Variants in ADARB1 observed in about 807,000 individuals in gnomAD.
ADARB1 encodes the protein double-stranded RNA-specific editase 1.
A neutral mutation model predicts 52.4 loss-of-function variants in ADARB1; 10 were observed. That is an observed-to-expected ratio of 0.19 (90% CI 0.12 to 0.32). The LOEUF (loss-of-function observed/expected upper bound fraction) is 0.32. ADARB1 is among the 10% of genes least tolerant of loss of function. The probability of loss-of-function intolerance (pLI) is 1.00; values close to 1 mark genes in which losing one functional copy is unlikely to be tolerated. For missense variants in ADARB1, 643 were observed against 922.3 expected, an observed-to-expected ratio of 0.70 and a Z score of 3.92; for synonymous variants, 349 against 371.1, an observed-to-expected ratio of 0.94 and a Z score of 0.68.
At chr21:45,210,686 A>G (rs1602006451) in intron 9 of ADARB1, among the ~76,000 whole-genome samples, 1 of 152,202 alleles carries the variant, frequency 6.6e-6, no homozygotes, top group Admixed American at 6.5e-5. Flanking sequence ...CTTGCAGCTC[A>G]CAGCCATATT....
Position 45,175,869 on chromosome 21 carries a change from G to C in ADARB1, c.168G>C (p.Glu56Asp), listed in dbSNP as rs201038678. 6.2e-7 allele frequency: 1 copy of C among 1,613,718 alleles called. No individual in the cohort carries two copies. The highest frequency in any genetic ancestry group is 8.5e-7 in the Non-Finnish European group (1 of 1,179,834). The change falls in exon 4 of 11, where the codon GAG becomes GAC. Residue 56 changes from glutamate (E) to aspartate (D), a missense_variant. By Grantham distance (45) the Glu-to-Asp change is conservative. This residue lies in a region of ADARB1 where 380 missense variants were observed against 446.5 expected (regional missense o/e 0.85). Coordinates refer to ENST00000348831, the MANE Select transcript of ADARB1 (RefSeq NM_001112.4). ...GGGPGRKRPL[E>D]EGSNGHSKYR... ...GCCCCGGCAGAAAGCGGCCCCTGGA[G>C]GAGGGCAGCAATGGCCACTCCAAGT...
At chr21:45,160,067 G>GA (rs2090884617) in intron 2 of ADARB1, among the ~76,000 whole-genome samples, 1 of 152,228 alleles carries the variant, frequency 6.6e-6, no homozygotes, top group South Asian at 2.1e-4. Flanking sequence ...TAGGCTGCTG[G>GA]AAGGTTGACC....
rs150801732 is a variant in ADARB1, at chr21:45,173,448, A to G, written c.28+1764A>G. 4.7e-3 allele frequency among the ~76,000 whole-genome samples: 713 copies of G among 152,280 alleles called. 4 individuals carry two copies. The highest frequency in any genetic ancestry group is 7.7e-3 in the Admixed American group (118 of 15,298). On this transcript the variant is annotated intron_variant, in intron 3 of 10. Coordinates refer to ENST00000348831, the MANE Select transcript of ADARB1 (RefSeq NM_001112.4). Reference sequence around the variant, plus strand: ...GTATTTCAGTGTGCCCCTGAGGTGAATAAGAATTTAGAATGTATGGAATCT... The same window carrying G: ...GTATTTCAGTGTGCCCCTGAGGTGAGTAAGAATTTAGAATGTATGGAATCT...
At chr21:45,163,351 A>G (rs761108767) in intron 2 of ADARB1, among the ~76,000 whole-genome samples, 6 of 152,216 alleles carry the variant, frequency 3.9e-5, no homozygotes, top group Admixed American at 6.5e-5. Context: ...GGACATCACA[A>G]TTGGAAGCAT....
intron 5 of ADARB1, among the ~76,000 whole-genome samples, chr21:45,180,912 T>A (rs1306527572): frequency 6.6e-6 from 1 of 152,090 alleles, no homozygotes; most frequent in Non-Finnish European, 1.5e-5. Context: ...AGAAACCCTA[T>A]TAAATTAGTC....
intron 1 of ADARB1, among the ~76,000 whole-genome samples, chr21:45,101,839 G>A (rs897696020): frequency 6.6e-6 from 1 of 152,208 alleles, no homozygotes; most frequent in African/African-American, 2.4e-5. Flanking sequence ...AGTTACAGTG[G>A]TGGACATACT....
At chr21:45,126,611 TC>T (rs2088601210) in intron 1 of ADARB1, among the ~76,000 whole-genome samples, 2 of 152,294 alleles carry the variant, frequency 1.3e-5, no homozygotes, top group South Asian at 4.1e-4. Context: ...GAGTCACTGT[TC>T]AAGTCACACG....
At chr21:45,191,276 T>G (rs180779235) in intron 8 of ADARB1, among the ~76,000 whole-genome samples, 15 of 152,356 alleles carry the variant, frequency 9.8e-5, no homozygotes, top group African/African-American at 3.1e-4. Flanking sequence ...ATATCTTCTT[T>G]TGTTATACCA....
Position 45,176,159 on chromosome 21 carries a change from T to G in ADARB1, c.458T>G (p.Leu153Arg). The G allele has an allele frequency of 6.2e-7, 1 of 1,614,226 alleles. No homozygotes were observed. The highest frequency in any genetic ancestry group is 2.2e-5 in the East Asian group (1 of 44,888). ...TTTCCTAATGCCTCTGAGGCCCACC[T>G]GGCCATGGGGAGGACCCTGTCTGTC... is the stretch of plus-strand genomic sequence containing the variant. ...VQFPNASEAH[L>R]AMGRTLSVNT... Residue 153 changes from leucine to arginine, a missense_variant, in exon 4 of 11, where the codon CTG becomes CGG. This residue lies in a region of ADARB1 where 380 missense variants were observed against 446.5 expected (regional missense o/e 0.85). Coordinates refer to ENST00000348831, the MANE Select transcript of ADARB1 (RefSeq NM_001112.4). This position sits in a 1 kb window ranked among gnomAD's most constrained non-coding sequence, Gnocchi z 5.8.
At chr21:45,156,053 A>ATCAC (rs1406155774) in intron 2 of ADARB1, among the ~76,000 whole-genome samples, 1 of 67,636 alleles carries the variant, frequency 1.5e-5, no homozygotes, top group African/African-American at 5.8e-5. Context: ...CCAACCACCC[A>ATCAC]CCATCACCCA....
intron 6 of ADARB1, 60 bp from the exon 7 acceptor site, chr21:45,183,302 A>G: frequency 1.4e-6 from 2 of 1,471,474 alleles, no homozygotes; most frequent in Non-Finnish European, 1.8e-6. Context: ...TGAAAATGAT[A>G]GACTAAAATT....
chr21:45,116,081 A>G (rs1488448220), intron 1 of ADARB1, among the ~76,000 whole-genome samples: 1 of 152,114 alleles, frequency 6.6e-6, no homozygotes, highest in Non-Finnish European at 1.5e-5. Flanking sequence ...TGGGGTGAAA[A>G]GGTAAGTGCT....
rs1387709516 is a variant in ADARB1, at chr21:45,128,083, C to T, written c.-219-319C>T. 1.3e-5 allele frequency among the ~76,000 whole-genome samples: 2 copies of T among 152,128 alleles called. No homozygotes were observed. The highest frequency in any genetic ancestry group is 2.9e-5 in the Non-Finnish European group (2 of 68,028). Reference sequence around the variant, plus strand: ...TATTGAATTGTAAAAAAGATGAGTACGTGTGAGATTCTGCCTGAGACTCCA... The same window carrying T: ...TATTGAATTGTAAAAAAGATGAGTATGTGTGAGATTCTGCCTGAGACTCCA... On this transcript the variant is annotated intron_variant, in intron 1 of 10. Transcript: ENST00000348831. This position sits in a 1 kb window ranked among gnomAD's most constrained non-coding sequence, Gnocchi z 4.6.
chr21:45,143,893 CCT>C (rs546102722), intron 2 of ADARB1, among the ~76,000 whole-genome samples: 1 of 152,228 alleles, frequency 6.6e-6, no homozygotes, highest in South Asian at 2.1e-4. Context: ...ACTGTTGTCC[CCT>C]GACACTTGAC....
At chr21:45,160,321 G>A (rs2090898568) in intron 2 of ADARB1, among the ~76,000 whole-genome samples, 1 of 152,232 alleles carries the variant, frequency 6.6e-6, no homozygotes, top group Non-Finnish European at 1.5e-5. Context: ...GCAGTGGGAG[G>A]GCTTACAGAC....
At position 45,093,156 on chromosome 21, in the gene ADARB1, T is replaced by TG. The variant is rs548495339; in HGVS notation, c.-220+18364dup. Among the ~76,000 whole-genome samples, 769 of 152,340 alleles carry TG rather than the reference T, an allele frequency of 5.0e-3. 4 individuals are homozygous for TG. Among genetic ancestry groups the TG allele is most frequent in the Non-Finnish European group, 7.8e-3 (528 of 68,032 alleles). ...CCCAGGAAGGAAGCAGCATGGCCAC[T>TG]GCCCATTCTGTGCCTGGACCTCGCC... On this transcript the variant is annotated intron_variant, in intron 1 of 10. Coordinates refer to ENST00000348831, the MANE Select transcript of ADARB1 (RefSeq NM_001112.4).
intron 3 of ADARB1, 25 bp downstream of exon 3, chr21:45,171,709 T>C: frequency 6.3e-7 from 1 of 1,588,022 alleles, no homozygotes; most frequent in Non-Finnish European, 8.6e-7. Flanking sequence ...TATCACGTAG[T>C]ATCAGATAGC....
intron 9 of ADARB1, among the ~76,000 whole-genome samples, chr21:45,214,971 C>G (rs2092834111): frequency 6.6e-6 from 1 of 152,190 alleles, no homozygotes; most frequent in African/African-American, 2.4e-5. Flanking sequence ...AGCAGACATC[C>G]TTCTCTTACA....
intron 8 of ADARB1, among the ~76,000 whole-genome samples, chr21:45,188,478 T>C (rs558863827): frequency 6.6e-6 from 1 of 152,346 alleles, no homozygotes. Context: ...TTTGAATGAA[T>C]TGTTTTTCAT....
Sources: allele counts gnomAD v4.1 joint callset (sites outside exome capture counted in the v4.1 genomes callset), GRCh38; gene constraint gnomAD v4.1.1; regional missense constraint gnomAD v4.1.1; non-coding constraint Gnocchi (gnomAD v3.1); transcripts MANE v1.5; gene names NCBI Gene and HGNC (gene_info 2026-07-23, HGNC 2026-07-21).